Variants in KCNQ1OT1 observed in about 807,000 individuals in gnomAD.
KCNQ1OT1 encodes the protein KCNQ1 antisense RNA 2 (non-protein coding).
exon 1 of KCNQ1OT1, chr11:2,655,719 TGACCTGGCTAC>T (rs1370869765): frequency 2.5e-5 from 3 of 121,814 alleles, no homozygotes; most frequent in African/African-American, 6.7e-5. Flanking sequence ...CCTAGATGCC[TGACCTGGCTAC>T]GACCACAGGT....
rs1191045864 is a variant in KCNQ1OT1 at position 2,687,682 on chromosome 11, A to AG, written n.12312dup. ...TTGCCAGCCAGGTCTCAGGGAGCTC[A>AG]GGGTTCAGTGTTGGAATGGGTCTGG... is the stretch of plus-strand genomic sequence containing the variant. On this transcript the variant is annotated non_coding_transcript_exon_variant, in exon 1 of 1. Coordinates refer to ENST00000597346, the Ensembl canonical transcript of KCNQ1OT1. The surrounding 1 kb of genome is among the most constrained non-coding windows in gnomAD (Gnocchi z 5.0). 2.5e-6 allele frequency: 1 copy of AG among 398,716 alleles called. No homozygotes were observed. The allele number at this position is 398,716 out of a possible 1,614,324, so 24.7% of individuals were successfully genotyped here.
At chr11:2,666,135 G>T (rs937591383) in exon 1 of KCNQ1OT1, 6 of 398,578 alleles carry the variant, frequency 1.5e-5, no homozygotes, top group African/African-American at 2.1e-5. Context: ...TGTCTCTTCT[G>T]TTTTGGCATC....
chr11:2,661,243 G>C lies in KCNQ1OT1; in HGVS notation n.38752C>G. 1 of 399,088 alleles carries C rather than the reference G, an allele frequency of 2.5e-6. No homozygotes were observed. Among genetic ancestry groups the C allele is most frequent in the Non-Finnish European group, 4.4e-6 (1 of 226,490 alleles). 24.7% of individuals were successfully genotyped at this position (399,088 alleles called of 1,614,324 possible). A position where few individuals can be genotyped will look rare whatever the true frequency, so the allele number is the denominator to read the frequency against. ...TCACAGATGAGTACTTAATCCTTTT[G>C]CAATAAAATATTTAAATGAAGACAA... On this transcript the variant is annotated non_coding_transcript_exon_variant, in exon 1 of 1. Transcript: ENST00000597346. The surrounding 1 kb of genome is among the most constrained non-coding windows in gnomAD (Gnocchi z 5.9).
rs1849787200 is a variant in KCNQ1OT1 at position 2,653,355 on chromosome 11, C to G, written n.46640G>C. ...CCCATGTCCGTAGGCTCACACCTCA[C>G]CCCCAACTTTGTCATGCACATTCCT... On this transcript the variant is annotated non_coding_transcript_exon_variant, in exon 1 of 1. Transcript: ENST00000597346. The surrounding 1 kb of genome is among the most constrained non-coding windows in gnomAD (Gnocchi z 5.3). 1 of 398,644 alleles carries G rather than the reference C, an allele frequency of 2.5e-6. No individual in the cohort carries two copies. The allele number at this position is 398,644 out of a possible 1,614,324, so 24.7% of individuals were successfully genotyped here.
At position 2,626,397 on chromosome 11, in the gene KCNQ1OT1, T is replaced by C; in HGVS notation, n.73598A>G. The C allele has an allele frequency of 2.5e-6, 1 of 398,650 alleles. No homozygotes were observed. The highest frequency in any genetic ancestry group is 4.4e-6 in the Non-Finnish European group (1 of 226,090). 24.7% of individuals were successfully genotyped at this position (398,650 alleles called of 1,614,324 possible). A position where few individuals can be genotyped will look rare whatever the true frequency, so the allele number is the denominator to read the frequency against. ...CAGCACTTTCCCTATTGAATGGTCT[T>C]GGCACTCTTCTCAGGAATCATTTGA... On this transcript the variant is annotated non_coding_transcript_exon_variant, in exon 1 of 1. Transcript: ENST00000597346. The surrounding 1 kb of genome is among the most constrained non-coding windows in gnomAD (Gnocchi z 4.0).
chr11:2,666,662 T>C lies in KCNQ1OT1; in HGVS notation n.33333A>G, dbSNP rs920973043. The C allele has an allele frequency of 2.5e-5, 10 of 398,540 alleles. 1 individual carries two copies. Among genetic ancestry groups the C allele is most frequent in the Non-Finnish European group, 3.1e-5 (7 of 226,100 alleles). The allele number at this position is 398,540 out of a possible 1,614,324, so 24.7% of individuals were successfully genotyped here. A position where few individuals can be genotyped will look rare whatever the true frequency, so the allele number is the denominator to read the frequency against. ...CTTCATGGACCAAGGGGCTAGCTCTTTTGATGGGACCAGCTTGGCCTGGGA... is the reference window on the plus strand; with the variant it reads ...CTTCATGGACCAAGGGGCTAGCTCTCTTGATGGGACCAGCTTGGCCTGGGA... On this transcript the variant is annotated non_coding_transcript_exon_variant, in exon 1 of 1. Transcript: ENST00000597346.
Position 2,657,953 on chromosome 11 carries a change from C to T in KCNQ1OT1, n.42042G>A. The stretch of plus-strand genomic sequence containing the variant: ...ATCACTGGTAATATTAACCTTGAGC[C>T]ACTCGTTTAAAGTGGTGTCGGCCAG... On this transcript the variant is annotated non_coding_transcript_exon_variant, in exon 1 of 1. Coordinates refer to ENST00000597346, the Ensembl canonical transcript of KCNQ1OT1. This position sits in a 1 kb window ranked among gnomAD's most constrained non-coding sequence, Gnocchi z 4.8. 1 of 398,530 alleles carries T rather than the reference C, an allele frequency of 2.5e-6. No homozygotes were observed. Among genetic ancestry groups the T allele is most frequent in the South Asian group, 1.3e-4 (1 of 7,842 alleles). 24.7% of individuals were successfully genotyped at this position (398,530 alleles called of 1,614,324 possible). A position where few individuals can be genotyped will look rare whatever the true frequency, so the allele number is the denominator to read the frequency against.
rs772132157 is a variant in KCNQ1OT1, at chr11:2,664,975, T to G, written n.35020A>C. The G allele has an allele frequency of 2.5e-6, 1 of 398,350 alleles. No homozygotes were observed. Among genetic ancestry groups the G allele is most frequent in the East Asian group, 3.6e-5 (1 of 28,072 alleles). 24.7% of individuals were successfully genotyped at this position (398,350 alleles called of 1,614,324 possible). ...ATAGCCTTGATTACGGGAAGGTCCC[T>G]GGGGCTGGGCGAAGCTCCTCTTTCC... On this transcript the variant is annotated non_coding_transcript_exon_variant, in exon 1 of 1. Coordinates refer to ENST00000597346, the Ensembl canonical transcript of KCNQ1OT1. This position sits in a 1 kb window ranked among gnomAD's most constrained non-coding sequence, Gnocchi z 5.1.
Position 2,612,298 on chromosome 11 carries a change from T to G in KCNQ1OT1, n.87697A>C. On this transcript the variant is annotated non_coding_transcript_exon_variant, in exon 1 of 1. Coordinates refer to ENST00000597346, the Ensembl canonical transcript of KCNQ1OT1. The surrounding 1 kb of genome is among the most constrained non-coding windows in gnomAD (Gnocchi z 5.5). ...CATGTGAGGGATCTAGGTTGTGCAC[T>G]CCGTATGAGAATCTAACTAAAGCCT... The G allele has an allele frequency of 5.0e-6, 2 of 398,636 alleles. No individual in the cohort carries two copies. The highest frequency in any genetic ancestry group is 8.8e-6 in the Non-Finnish European group (2 of 226,072). The allele number at this position is 398,636 out of a possible 1,614,324, so 24.7% of individuals were successfully genotyped here. A position where few individuals can be genotyped will look rare whatever the true frequency, so the allele number is the denominator to read the frequency against.
exon 1 of KCNQ1OT1, chr11:2,665,287 A>AT: frequency 2.5e-6 from 1 of 398,410 alleles, no homozygotes; most frequent in Non-Finnish European, 4.4e-6. Flanking sequence ...TCCCACCCAG[A>AT]ACCATATGAC....
rs1850578172 is a variant in KCNQ1OT1 at position 2,690,955 on chromosome 11, C to T, written n.9040G>A. On this transcript the variant is annotated non_coding_transcript_exon_variant, in exon 1 of 1. Transcript: ENST00000597346. The surrounding 1 kb of genome is among the most constrained non-coding windows in gnomAD (Gnocchi z 5.1). ...CAACCTGAAAGGTTCATTTGGGAGTCACGGGTATGTGTCAACAAAAGCCCA... is the reference window on the plus strand; with the variant it reads ...CAACCTGAAAGGTTCATTTGGGAGTTACGGGTATGTGTCAACAAAAGCCCA... 2.5e-6 allele frequency: 1 copy of T among 398,614 alleles called. No individual in the cohort carries two copies. Among genetic ancestry groups the T allele is most frequent in the Non-Finnish European group, 4.4e-6 (1 of 226,070 alleles). The allele number at this position is 398,614 out of a possible 1,614,324, so 24.7% of individuals were successfully genotyped here. A position where few individuals can be genotyped will look rare whatever the true frequency, so the allele number is the denominator to read the frequency against.
At chr11:2,633,016 T>C in exon 1 of KCNQ1OT1, 1 of 398,530 alleles carries the variant, frequency 2.5e-6, no homozygotes, top group Non-Finnish European at 4.4e-6. Flanking sequence ...AATGACTCAC[T>C]AATTTATAGT....
At chr11:2,656,811 C>G (rs1460385143) in exon 1 of KCNQ1OT1, 1 of 398,432 alleles carries the variant, frequency 2.5e-6, no homozygotes, top group Non-Finnish European at 4.4e-6. Context: ...AGATATTCTT[C>G]TATATTCAGT....
rs192427542 is a variant in KCNQ1OT1 at position 2,663,897 on chromosome 11, G to A, written n.36098C>T. Reference sequence around the variant, plus strand: ...CCCAAGGGTGACCCCAAGCCAGTGTGGCTGTGTCATCTAGGACACTGGGCT... The same window carrying A: ...CCCAAGGGTGACCCCAAGCCAGTGTAGCTGTGTCATCTAGGACACTGGGCT... On this transcript the variant is annotated non_coding_transcript_exon_variant, in exon 1 of 1. Coordinates refer to ENST00000597346, the Ensembl canonical transcript of KCNQ1OT1. The surrounding 1 kb of genome is among the most constrained non-coding windows in gnomAD (Gnocchi z 5.2). 392 of 398,702 alleles carry A rather than the reference G, an allele frequency of 9.8e-4. 2 individuals carry two copies. The highest frequency in any genetic ancestry group is 7.6e-3 in the African/African-American group (369 of 48,768). 24.7% of individuals were successfully genotyped at this position (398,702 alleles called of 1,614,324 possible).
chr11:2,682,178 AC>A lies in KCNQ1OT1; in HGVS notation n.17816del. 1 of 398,460 alleles carries A rather than the reference AC, an allele frequency of 2.5e-6. No homozygotes were observed. The highest frequency in any genetic ancestry group is 4.4e-6 in the Non-Finnish European group (1 of 226,048). The allele number at this position is 398,460 out of a possible 1,614,324, so 24.7% of individuals were successfully genotyped here. A position where few individuals can be genotyped will look rare whatever the true frequency, so the allele number is the denominator to read the frequency against. On this transcript the variant is annotated non_coding_transcript_exon_variant, in exon 1 of 1. Coordinates refer to ENST00000597346, the Ensembl canonical transcript of KCNQ1OT1. The surrounding 1 kb of genome is among the most constrained non-coding windows in gnomAD (Gnocchi z 5.8). The stretch of plus-strand genomic sequence containing the variant: ...ATTAAACATATCAAGCTCTCTCCTG[AC>A]CTTCTCTCCCCTTCCCCAGGCCAGG...
At chr11:2,631,361 T>C in exon 1 of KCNQ1OT1, 1 of 398,570 alleles carries the variant, frequency 2.5e-6, no homozygotes, top group East Asian at 3.6e-5. Flanking sequence ...TGATCAAGTC[T>C]GCTGCTGATG....
exon 1 of KCNQ1OT1, chr11:2,614,165 C>G: frequency 2.5e-6 from 1 of 398,582 alleles, no homozygotes; most frequent in Non-Finnish European, 4.4e-6. Flanking sequence ...TAAATCGAAT[C>G]TACCCCCAAG....
In KCNQ1OT1 at chr11:2,658,893, T is replaced by A. The variant is rs1228859240; in HGVS notation, n.41102A>T. 5.0e-6 allele frequency: 2 copies of A among 398,470 alleles called. No individual in the cohort carries two copies. Among genetic ancestry groups the A allele is most frequent in the Non-Finnish European group, 8.8e-6 (2 of 226,054 alleles). 24.7% of individuals were successfully genotyped at this position (398,470 alleles called of 1,614,324 possible). On this transcript the variant is annotated non_coding_transcript_exon_variant, in exon 1 of 1. Coordinates refer to ENST00000597346, the Ensembl canonical transcript of KCNQ1OT1. The surrounding 1 kb of genome is among the most constrained non-coding windows in gnomAD (Gnocchi z 4.9). ...TTTACTTATTTGTGTAACCCTATTG[T>A]ACACGTAGTACCCTATGTGAAGCAA...
chr11:2,669,472 C>A lies in KCNQ1OT1; in HGVS notation n.30523G>T. The A allele has an allele frequency of 7.5e-6, 3 of 398,564 alleles. No individual in the cohort carries two copies. In the South Asian group the frequency reaches 3.8e-4, roughly 51 times the overall value. 24.7% of individuals were successfully genotyped at this position (398,564 alleles called of 1,614,324 possible). On this transcript the variant is annotated non_coding_transcript_exon_variant, in exon 1 of 1. Coordinates refer to ENST00000597346, the Ensembl canonical transcript of KCNQ1OT1. The surrounding 1 kb of genome is among the most constrained non-coding windows in gnomAD (Gnocchi z 5.6). ...GCCCTGTAGTTTTCAGTGTGGTGGT[C>A]ATGAACAGCTTGTCAGATTCATTCC...
Sources: allele counts gnomAD v4.1 joint callset, GRCh38; gene constraint gnomAD v4.1.1; non-coding constraint Gnocchi (gnomAD v3.1); transcripts MANE v1.5; gene names NCBI Gene and HGNC (gene_info 2026-07-23, HGNC 2026-07-21).